Variants in ERICH1 observed in about 807,000 individuals in gnomAD.
ERICH1 encodes glutamate-rich protein 1.
A neutral mutation model predicts 39.6 loss-of-function variants in ERICH1; 56 were observed. The observed-to-expected ratio is 1.41, with a 90% CI of 1.14 to 1.77. The LOEUF is 1.77. Among genes scored for constraint, ERICH1 ranks in the 40% most tolerant of loss-of-function variants. ERICH1 has a pLI of 0.00. For missense variants in ERICH1, 826 were observed against 575.4 expected, an observed-to-expected ratio of 1.44 and a Z score of -4.45; for synonymous variants, 313 against 223.6, an observed-to-expected ratio of 1.40 and a Z score of -3.57.
intron 3 of ERICH1, among the ~76,000 whole-genome samples, chr8:634,339 C>G (rs1006607548): frequency 6.6e-6 from 1 of 152,232 alleles, no homozygotes; most frequent in South Asian, 2.1e-4. Flanking sequence ...AGGCAACGAG[C>G]GAGCGTCGTG....
chr8:715,971 G>C lies in ERICH1; in HGVS notation c.59C>G (p.Pro20Arg), dbSNP rs749572235. The stretch of plus-strand genomic sequence containing the variant: ...CCTCTTTCCTTGGCCACTTGGAACA[G>C]GAGGAAAAAGTCTCTGCAGCACCTT... ...VEKVLQRLFP[P>R]VPSGQGKREP... Residue 20 changes from proline (P) to arginine (R), a missense_variant, in exon 2 of 6, where the codon CCT becomes CGT. Physicochemically the swap from Pro to Arg is moderately radical, Grantham distance 103. Transcript: ENST00000262109. The C allele has an allele frequency of 3.7e-6, 6 of 1,613,052 alleles. No homozygotes were observed. Among genetic ancestry groups the C allele is most frequent in the African/African-American group, 2.7e-5 (2 of 74,832 alleles).
chr8:629,647 A>C (rs1258336520), intron 3 of ERICH1, among the ~76,000 whole-genome samples: 1 of 138,182 alleles, frequency 7.2e-6, no homozygotes, highest in Non-Finnish European at 1.5e-5. Context: ...GAGCTGACTC[A>C]CACCCGCCTG....
chr8:713,833 C>G (rs1458929645), intron 2 of ERICH1, among the ~76,000 whole-genome samples: 1 of 152,170 alleles, frequency 6.6e-6, no homozygotes, highest in Non-Finnish European at 1.5e-5. Context: ...CAGTGAGAGA[C>G]CACCACTATA....
intron 1 of ERICH1, among the ~76,000 whole-genome samples, chr8:728,151 G>A (rs1819218062): frequency 6.6e-6 from 1 of 152,178 alleles, no homozygotes; most frequent in Non-Finnish European, 1.5e-5. Flanking sequence ...AAGCACACAT[G>A]GAGTCAGGGA....
At chr8:715,829 T>G (rs372030990) in intron 2 of ERICH1, 32 bp downstream of exon 2, 146 of 1,585,094 alleles carry the variant, frequency 9.2e-5, no homozygotes, top group Non-Finnish European at 1.2e-4. Context: ...CTTCAGTTTC[T>G]GAGACCCACC....
At chr8:720,426 T>C (rs1817036576) in intron 1 of ERICH1, among the ~76,000 whole-genome samples, 1 of 152,212 alleles carries the variant, frequency 6.6e-6, no homozygotes, top group African/African-American at 2.4e-5. Context: ...ATAATCAGGA[T>C]GCCAGGAAGA....
chr8:718,124 C>A (rs1372943843), intron 1 of ERICH1, among the ~76,000 whole-genome samples: 1 of 152,050 alleles, frequency 6.6e-6, no homozygotes, highest in East Asian at 1.9e-4. Flanking sequence ...TGACAAACTG[C>A]ACAACACACC....
In ERICH1 at chr8:717,749, G is replaced by A. The variant is rs115473729; in HGVS notation, c.23-1742C>T. ...CCAACGCGGACATGTGGCTGAAGTC[G>A]CCTCCCCAGGCACAGCTGCCTGCGA... On this transcript the variant is annotated intron_variant, in intron 1 of 5. Transcript: ENST00000262109. Among the ~76,000 whole-genome samples the A allele has an allele frequency of 3.2e-3, 489 of 152,334 alleles. 7 individuals are homozygous for A. Among genetic ancestry groups the A allele is most frequent in the African/African-American group, 0.011 (474 of 41,568 alleles).
At chr8:661,741 C>A (rs1416519405), downstream of ERICH1, among the ~76,000 whole-genome samples, 1 of 152,200 alleles carries the variant, frequency 6.6e-6, no homozygotes, top group African/African-American at 2.4e-5. Context: ...CAGAATGATA[C>A]ACAAAACGAA....
chr8:692,231 T>C (rs984722794), intron 3 of ERICH1, among the ~76,000 whole-genome samples: 6 of 152,232 alleles, frequency 3.9e-5, no homozygotes, highest in East Asian at 1.9e-4. Context: ...ACATGGGCTA[T>C]AGTCATATTC....
intron 1 of ERICH1, among the ~76,000 whole-genome samples, chr8:721,524 T>C (rs2132410550): frequency 6.6e-6 from 1 of 152,324 alleles, no homozygotes; most frequent in South Asian, 2.1e-4. Flanking sequence ...CTCAGGGCCT[T>C]TACCACCAGT....
At chr8:653,796 TGAG>T (rs1345563570) in intron 3 of ERICH1, among the ~76,000 whole-genome samples, 1 of 151,310 alleles carries the variant, frequency 6.6e-6, no homozygotes, top group African/African-American at 2.4e-5. Context: ...AGGGTGGCAC[TGAG>T]GAGAGGTCTC....
intron 1 of ERICH1, among the ~76,000 whole-genome samples, chr8:730,323 A>T (rs934152668): frequency 5.3e-5 from 8 of 152,216 alleles, no homozygotes; most frequent in African/African-American, 1.7e-4. Context: ...CTTTTTAAGC[A>T]ATTGTTTTAT....
chr8:707,399 G>C (rs1202342089), intron 2 of ERICH1, among the ~76,000 whole-genome samples: 1 of 151,822 alleles, frequency 6.6e-6, no homozygotes, highest in Non-Finnish European at 1.5e-5. Flanking sequence ...GTAGAGATGG[G>C]GTTTCACCAC....
At chr8:686,753 C>T (rs1254834558) in intron 3 of ERICH1, 1 of 141,014 alleles carries the variant, frequency 7.1e-6, no homozygotes, top group Non-Finnish European at 1.6e-5. Flanking sequence ...ACAGGTCTCT[C>T]GCAGGACACT....
Position 673,452 on chromosome 8 carries a change from G to T in ERICH1, c.900C>A (p.Asp300Glu), listed in dbSNP as rs141188134. The change falls in exon 4 of 6, where the codon GAC becomes GAA. Residue 300 changes from aspartate (D) to glutamate (E), a missense_variant. Physicochemically the swap from Asp to Glu is conservative, Grantham distance 45. Transcript: ENST00000262109. ...GKDTREEDGA[D>E]ASEEDPTWAG... Reference sequence around the variant, plus strand: ...CCCATGTCGGGTCTTCCTCGCTGGCGTCCGCACCGTCCTCCTCCCTGGTGT... The same window carrying T: ...CCCATGTCGGGTCTTCCTCGCTGGCTTCCGCACCGTCCTCCTCCCTGGTGT... 1 of 1,613,662 alleles carries T rather than the reference G, an allele frequency of 6.2e-7. No individual in the cohort carries two copies. Among genetic ancestry groups the T allele is most frequent in the Non-Finnish European group, 8.5e-7 (1 of 1,179,936 alleles).
intron 3 of ERICH1, among the ~76,000 whole-genome samples, chr8:627,756 C>G (rs1335350806): frequency 1.3e-5 from 2 of 152,210 alleles, no homozygotes; most frequent in African/African-American, 4.8e-5. Context: ...GAGTTGCTGG[C>G]CCCTGGTCTC....
At chr8:663,007 G>A (rs1372100522), downstream of ERICH1, among the ~76,000 whole-genome samples, 1 of 152,244 alleles carries the variant, frequency 6.6e-6, no homozygotes, top group Non-Finnish European at 1.5e-5. Context: ...CCTGCGTCCT[G>A]TCCTCGGGTG....
chr8:674,968 T>C (rs1804341245), intron 3 of ERICH1, among the ~76,000 whole-genome samples: 2 of 152,296 alleles, frequency 1.3e-5, no homozygotes, highest in South Asian at 2.1e-4. Flanking sequence ...ACTACCACTG[T>C]GGTGTTGCGG....
Sources: allele counts gnomAD v4.1 joint callset (sites outside exome capture counted in the v4.1 genomes callset), GRCh38; gene constraint gnomAD v4.1.1; transcripts MANE v1.5; gene names NCBI Gene and HGNC (gene_info 2026-07-23, HGNC 2026-07-21).